Variants in EGF observed in about 807,000 individuals in gnomAD.
The protein encoded by EGF is epidermal growth factor.
A neutral mutation model predicts 143.8 loss-of-function variants in EGF; 95 were observed. The ratio of observed to expected loss-of-function variants is 0.66; its 90% CI spans 0.56 to 0.78. The LOEUF is 0.78. Among genes scored for constraint, EGF ranks in the 30% least tolerant of loss-of-function variants. The pLI, the probability that EGF is intolerant of heterozygous loss-of-function variation, is 0.00. For synonymous variants in EGF, 510 were observed against 510.5 expected, an observed-to-expected ratio of 1.00 and a Z score of 0.01; for missense variants, 1,320 against 1,470.9, an observed-to-expected ratio of 0.90 and a Z score of 1.68.
At chr4:109,986,100 C>G (rs1750073379) in intron 16 of EGF, among the ~76,000 whole-genome samples, 1 of 152,114 alleles carries the variant, frequency 6.6e-6, no homozygotes, top group South Asian at 2.1e-4. Flanking sequence ...AATGTGAACA[C>G]AGGCATTTAT....
rs370503809 is a variant in EGF, at chr4:109,961,000, G to A, written c.1189+11G>A. On this transcript the variant is annotated intron_variant, in intron 7 of 23. Coordinates refer to ENST00000265171, the MANE Select transcript of EGF (RefSeq NM_001963.6). ...GGAAACGATGTCATCGTAAGTTATA[G>A]CAACAAGTATTTATTGCATTAGTTT... is the stretch of plus-strand genomic sequence containing the variant. The A allele has an allele frequency of 2.5e-6, 4 of 1,613,684 alleles. No individual in the cohort carries two copies. Among genetic ancestry groups the A allele is most frequent in the Middle Eastern group, 1.7e-4 (1 of 6,058 alleles).
intron 6 of EGF, 132 bp downstream of exon 6, chr4:109,959,569 T>A (rs893651108): frequency 4.9e-5 from 67 of 1,380,856 alleles, no homozygotes; most frequent in Non-Finnish European, 6.4e-5. Context: ...AAGTCCATTC[T>A]CCCCGTCCCC....
chr4:109,998,466 T>C (rs1045784455), intron 20 of EGF, among the ~76,000 whole-genome samples: 6 of 152,266 alleles, frequency 3.9e-5, no homozygotes, highest in Admixed American at 3.9e-4. Flanking sequence ...CTGTCACTCA[T>C]AGCTGTGTGA....
chr4:109,978,358 G>A (rs1024765072), intron 13 of EGF, among the ~76,000 whole-genome samples: 1 of 152,140 alleles, frequency 6.6e-6, no homozygotes, highest in Non-Finnish European at 1.5e-5. Flanking sequence ...TGGTTCTTCT[G>A]TAAACAAAAA....
intron 21 of EGF, among the ~76,000 whole-genome samples, chr4:110,001,079 A>C (rs1752512615): frequency 6.6e-6 from 1 of 152,242 alleles, no homozygotes; most frequent in African/African-American, 2.4e-5. Context: ...GGTTAAGAGC[A>C]CAGGCTCTGG....
At chr4:109,926,515 C>T (rs536339286) in intron 1 of EGF, among the ~76,000 whole-genome samples, 109 of 151,970 alleles carry the variant, frequency 7.2e-4, no homozygotes, top group Non-Finnish European at 1.3e-3. Flanking sequence ...CCACCACACC[C>T]GGCTAATTTT....
intron 10 of EGF, among the ~76,000 whole-genome samples, chr4:109,966,843 T>C (rs1297473604): frequency 1.3e-5 from 2 of 152,210 alleles, no homozygotes; most frequent in Non-Finnish European, 2.9e-5. Context: ...GTGTCTTCTT[T>C]TGAAAAATGT....
intron 5 of EGF, among the ~76,000 whole-genome samples, chr4:109,955,601 G>A (rs570933539): frequency 3.3e-5 from 5 of 152,262 alleles, no homozygotes; most frequent in African/African-American, 1.2e-4. Flanking sequence ...ATCACTAAAA[G>A]CCATCAGCAG....
chr4:109,956,570 T>C (rs564838774), intron 5 of EGF, among the ~76,000 whole-genome samples: 47 of 152,374 alleles, frequency 3.1e-4, no homozygotes, highest in African/African-American at 1.1e-3. Flanking sequence ...TTTAGTCATT[T>C]ACTTTTAAAA....
In EGF at chr4:109,972,217, T is replaced by C. The variant is rs545042789; in HGVS notation, c.1725-2486T>C. Among the ~76,000 whole-genome samples, 11 of 152,282 alleles carry C rather than the reference T, an allele frequency of 7.2e-5. No homozygotes were observed. In the South Asian group the frequency reaches 2.3e-3, roughly 32 times the overall value. ...ATGCTTGAACTCCCATGAACTCAAATATCCCTGCTGGTCTTTGGTTTCTCA... is the reference window on the plus strand; with the variant it reads ...ATGCTTGAACTCCCATGAACTCAAACATCCCTGCTGGTCTTTGGTTTCTCA... On this transcript the variant is annotated intron_variant, in intron 11 of 23. Coordinates refer to ENST00000265171, the MANE Select transcript of EGF (RefSeq NM_001963.6).
intron 21 of EGF, among the ~76,000 whole-genome samples, chr4:110,002,384 T>C (rs185866616): frequency 5.3e-5 from 8 of 152,256 alleles, no homozygotes; most frequent in African/African-American, 1.9e-4. Context: ...TACCACCTAC[T>C]TGGGAGGCTA....
At chr4:109,933,600 G>A (rs1740211582) in intron 1 of EGF, among the ~76,000 whole-genome samples, 1 of 152,040 alleles carries the variant, frequency 6.6e-6, no homozygotes, top group Non-Finnish European at 1.5e-5. Context: ...AGGCCCCGGT[G>A]TGTGATGTTC....
Position 109,913,464 on chromosome 4 carries a change from T to G in EGF, c.127+2T>G. On this transcript the variant is annotated splice_donor_variant, in intron 1 of 23. Coordinates refer to ENST00000265171, the MANE Select transcript of EGF (RefSeq NM_001963.6). LOFTEE classifies it high-confidence loss of function. ...GAAATGGGAATTCTACTTGTGTGGG[T>G]AAGTACTCCAATGAAAAGGTGCTCC... 1 of 1,613,560 alleles carries G rather than the reference T, an allele frequency of 6.2e-7. No homozygotes were observed. The highest frequency in any genetic ancestry group is 8.5e-7 in the Non-Finnish European group (1 of 1,179,720).
At chr4:109,970,686 CGG>C (rs1747449194) in intron 11 of EGF, among the ~76,000 whole-genome samples, 1 of 151,710 alleles carries the variant, frequency 6.6e-6, no homozygotes, top group Non-Finnish European at 1.5e-5. Flanking sequence ...ATTAGCCGGG[CGG>C]GTGGTGGGCG....
At chr4:109,940,165 A>G (rs1266670068) in intron 1 of EGF, among the ~76,000 whole-genome samples, 1 of 152,194 alleles carries the variant, frequency 6.6e-6, no homozygotes, top group Non-Finnish European at 1.5e-5. Context: ...ATCACCTAGA[A>G]CAGGAGAGGA....
chr4:109,992,298 C>T (rs1413473674), intron 18 of EGF: 1 of 151,814 alleles, frequency 6.6e-6, no homozygotes, highest in African/African-American at 2.4e-5. Context: ...CATGAAAGTC[C>T]CCTTAAACCT....
intron 1 of EGF, among the ~76,000 whole-genome samples, chr4:109,924,075 A>AT (rs1455672848): frequency 6.6e-6 from 1 of 151,718 alleles, no homozygotes; most frequent in Non-Finnish European, 1.5e-5. Flanking sequence ...AAGTTATTGA[A>AT]TTTTTTAGTG....
chr4:109,945,360 G>C lies in EGF; in HGVS notation c.940+85G>C, dbSNP rs1331031567. Reference sequence around the variant, plus strand: ...TGAGCCAGACAATGAGGCGTTGTAGGGGAAAAAAAATTTTTTTCTTCAACC... The same window carrying C: ...TGAGCCAGACAATGAGGCGTTGTAGCGGAAAAAAAATTTTTTTCTTCAACC... On this transcript the variant is annotated intron_variant, in intron 5 of 23. Transcript: ENST00000265171. 5.0e-6 allele frequency: 7 copies of C among 1,394,722 alleles called. No homozygotes were observed. In the African/African-American group the frequency reaches 8.7e-5, roughly 17 times the overall value. 86.4% of individuals were successfully genotyped at this position (1,394,722 alleles called of 1,614,324 possible).
chr4:109,937,827 G>A (rs1741124426), intron 1 of EGF, among the ~76,000 whole-genome samples: 1 of 152,196 alleles, frequency 6.6e-6, no homozygotes, highest in Admixed American at 6.5e-5. Flanking sequence ...CTTTAAGAAT[G>A]TTGAATATTG....
Sources: gnomAD v4.1 joint callset for allele counts (sites outside exome capture counted in the v4.1 genomes callset) on GRCh38, gnomAD v4.1.1 for gene constraint, MANE v1.5 for transcripts, NCBI Gene and HGNC (gene_info 2026-07-23, HGNC 2026-07-21) for gene names.